The following BMPER variants were observed in gnomAD, a reference collection of about 807,000 sequenced individuals.
The protein encoded by BMPER is BMP binding endothelial regulator, also known as BMP-binding endothelial regulator protein.
Under a neutral mutation model 87.3 loss-of-function variants are expected in BMPER, and 45 were observed. That is an observed-to-expected ratio of 0.52 (90% CI 0.41 to 0.66). The LOEUF (loss-of-function observed/expected upper bound fraction) is 0.66, where lower values mean the gene tolerates loss of function less well. Among genes scored for constraint, BMPER ranks in the 30% least tolerant of loss-of-function variants. The probability of loss-of-function intolerance (pLI) is 0.00; values close to 1 mark genes in which losing one functional copy is unlikely to be tolerated. For synonymous variants in BMPER, 326 were observed against 316.2 expected, an observed-to-expected ratio of 1.03 and a Z score of -0.33; for missense variants, 784 against 867.5, an observed-to-expected ratio of 0.90 and a Z score of 1.21.
In BMPER at chr7:34,085,876, G is replaced by T; in HGVS notation, c.1529G>T (p.Gly510Val). ...GGACATAAACGTGATGACTTAATTG[G>T]TGGAGATGGAAACTTCAAGTTTGAT... The part of the protein sequence containing the change: ...YNGHKRDDLI[G>V]GDGNFKFDVD... Residue 510 changes from glycine (G) to valine (V), a missense_variant, in exon 13 of 15, where the codon GGT becomes GTT. Coordinates refer to ENST00000649409, the MANE Select transcript of BMPER (RefSeq NM_001365308.1). 6.2e-7 allele frequency: 1 copy of T among 1,614,168 alleles called. No individual in the cohort carries two copies. The highest frequency in any genetic ancestry group is 8.5e-7 in the Non-Finnish European group (1 of 1,180,040).
At chr7:34,148,924 A>G (rs77351508) in intron 14 of BMPER, among the ~76,000 whole-genome samples, 3,751 of 152,310 alleles carry the variant, frequency 0.025, 125 homozygotes, top group African/African-American at 0.08. Context: ...AAAGAGGGCA[A>G]GGTGAGTTCT....
Position 33,985,295 on chromosome 7 carries a change from TG to T in BMPER, c.576+10512del, listed in dbSNP as rs148848660. On this transcript the variant is annotated intron_variant, in intron 6 of 14. Coordinates refer to ENST00000649409, the MANE Select transcript of BMPER (RefSeq NM_001365308.1). ...AATTCTGTAGGTAGTTTTATATCCT[TG>T]TTATTTTCATTTAACATTATATTGT... Among the ~76,000 whole-genome samples, 276 of 152,324 alleles carry T rather than the reference TG, an allele frequency of 1.8e-3. 6 individuals are homozygous for T. In the East Asian group the frequency reaches 0.049, roughly 27 times the overall value.
intron 6 of BMPER, among the ~76,000 whole-genome samples, chr7:34,017,977 A>C (rs968504939): frequency 3.3e-5 from 5 of 151,908 alleles, no homozygotes; most frequent in South Asian, 2.1e-4. Flanking sequence ...AAAAAAAAAA[A>C]AAAAACAAAA....
At chr7:34,000,657 G>A (rs1786556596) in intron 6 of BMPER, among the ~76,000 whole-genome samples, 1 of 152,042 alleles carries the variant, frequency 6.6e-6, no homozygotes, top group Admixed American at 6.6e-5. Context: ...CTAGGTGAAG[G>A]ACATTTGGGT....
At chr7:34,149,822 G>A (rs561813944) in intron 14 of BMPER, among the ~76,000 whole-genome samples, 1 of 91,592 alleles carries the variant, frequency 1.1e-5, no homozygotes, top group South Asian at 6.0e-4. Context: ...GTCAAGGGGT[G>A]GGTGAGGAAG....
chr7:33,965,431 A>T (rs1785382722), intron 3 of BMPER, among the ~76,000 whole-genome samples: 1 of 152,060 alleles, frequency 6.6e-6, no homozygotes, highest in African/African-American at 2.4e-5. Context: ...AAAAGTTCTC[A>T]TGGAAGGAGT....
At position 34,085,751 on chromosome 7, in the gene BMPER, T is replaced by C. The variant is rs1372236016; in HGVS notation, c.1409-5T>C. 6.2e-7 allele frequency: 1 copy of C among 1,612,014 alleles called. No individual in the cohort carries two copies. Among genetic ancestry groups the C allele is most frequent in the Admixed American group, 1.7e-5 (1 of 59,974 alleles). The stretch of plus-strand genomic sequence containing the variant: ...TGATTTCCTTTTCCTCTCCTCCTCC[T>C]CTAGGTTTGGAAATATCTTGGGATG... On this transcript the variant is annotated splice_region_variant and splice_polypyrimidine_tract_variant and intron_variant, in intron 12 of 14. Coordinates refer to ENST00000649409, the MANE Select transcript of BMPER (RefSeq NM_001365308.1).
At chr7:34,052,016 G>C in intron 8 of BMPER, 46 bp downstream of exon 8, 9 of 1,527,970 alleles carry the variant, frequency 5.9e-6, no homozygotes, top group Non-Finnish European at 7.3e-6. Context: ...ATAGGGTTTG[G>C]GTTTCAGTGT....
Position 33,974,801 on chromosome 7 carries a change from A to G in BMPER, c.576+17A>G. ...TCCTGCACTGTAAGTCCTGCTGTGG[A>G]TGTTCCCAGGGTGTCCTTTGGGCAA... is the stretch of plus-strand genomic sequence containing the variant. On this transcript the variant is annotated intron_variant, in intron 6 of 14. Transcript: ENST00000649409. 6.2e-7 allele frequency: 1 copy of G among 1,612,290 alleles called. No individual in the cohort carries two copies. Among genetic ancestry groups the G allele is most frequent in the Non-Finnish European group, 8.5e-7 (1 of 1,178,448 alleles).
At chr7:33,997,648 T>C (rs1386914937) in intron 6 of BMPER, among the ~76,000 whole-genome samples, 1 of 152,262 alleles carries the variant, frequency 6.6e-6, no homozygotes, top group Non-Finnish European at 1.5e-5. Flanking sequence ...TATTTCTTTA[T>C]AGCAGTGTGA....
intron 11 of BMPER, among the ~76,000 whole-genome samples, chr7:34,070,284 A>T (rs1463581744): frequency 1.3e-5 from 2 of 152,222 alleles, no homozygotes; most frequent in East Asian, 3.9e-4. Flanking sequence ...GGCTGTTTCC[A>T]ATCCCTGTTT....
In BMPER at chr7:34,016,196, T is replaced by C. The variant is rs149266026; in HGVS notation, c.577-30110T>C. The stretch of plus-strand genomic sequence containing the variant: ...TCCTCTCTCCAGGAAAATAATGCGA[T>C]GTTTGCCAATTACCTTACTGAAATA... On this transcript the variant is annotated intron_variant, in intron 6 of 14. Coordinates refer to ENST00000649409, the MANE Select transcript of BMPER (RefSeq NM_001365308.1). 4.7e-3 allele frequency among the ~76,000 whole-genome samples: 720 copies of C among 152,088 alleles called. 2 individuals carry two copies. Among genetic ancestry groups the C allele is most frequent in the Non-Finnish European group, 8.0e-3 (545 of 67,912 alleles).
chr7:34,023,835 T>A (rs1787264169), intron 6 of BMPER, among the ~76,000 whole-genome samples: 1 of 152,072 alleles, frequency 6.6e-6, no homozygotes, highest in South Asian at 2.1e-4. Flanking sequence ...CCCATTTTAT[T>A]AAGAGGGAAG....
intron 2 of BMPER, among the ~76,000 whole-genome samples, chr7:33,923,203 G>C (rs1019665327): frequency 6.6e-6 from 1 of 152,170 alleles, no homozygotes; most frequent in African/African-American, 2.4e-5. Context: ...TGTGGACTCT[G>C]TTCTCTCCCA....
chr7:34,071,831 A>G (rs1180610991), intron 11 of BMPER, among the ~76,000 whole-genome samples: 2 of 152,218 alleles, frequency 1.3e-5, no homozygotes, highest in Non-Finnish European at 2.9e-5. Flanking sequence ...ATTATTGTTT[A>G]TAATTAGCTT....
At chr7:34,046,948 A>C (rs1481697938) in intron 7 of BMPER, among the ~76,000 whole-genome samples, 2 of 134,976 alleles carry the variant, frequency 1.5e-5, no homozygotes, top group African/African-American at 5.7e-5. Flanking sequence ...TTCTCATTTT[A>C]TCTTCTTAAG....
rs575022584 is a variant in BMPER at position 34,022,326 on chromosome 7, G to A, written c.577-23980G>A. Among the ~76,000 whole-genome samples the A allele has an allele frequency of 5.9e-5, 9 of 151,996 alleles. No homozygotes were observed. In the South Asian group the frequency reaches 1.2e-3, roughly 21 times the overall value. On this transcript the variant is annotated intron_variant, in intron 6 of 14. Coordinates refer to ENST00000649409, the MANE Select transcript of BMPER (RefSeq NM_001365308.1). Reference sequence around the variant, plus strand: ...CATTTCCCATGTTTTGCCTTCCCTCGTCCTGTGCCAGCTTTGGGGGAATTC... The same window carrying A: ...CATTTCCCATGTTTTGCCTTCCCTCATCCTGTGCCAGCTTTGGGGGAATTC...
At chr7:34,124,197 T>C (rs1790337285) in intron 13 of BMPER, among the ~76,000 whole-genome samples, 1 of 152,208 alleles carries the variant, frequency 6.6e-6, no homozygotes, top group African/African-American at 2.4e-5. Flanking sequence ...CTCTCCTCTT[T>C]TAGGTACATC....
At chr7:33,966,035 G>A (rs987439922) in intron 3 of BMPER, among the ~76,000 whole-genome samples, 16 of 152,118 alleles carry the variant, frequency 1.1e-4, no homozygotes, top group Non-Finnish European at 1.5e-4. Flanking sequence ...AGAATTTTGC[G>A]TTCAAGTCCT....
Sources: allele counts gnomAD v4.1 joint callset (sites outside exome capture counted in the v4.1 genomes callset), GRCh38; gene constraint gnomAD v4.1.1; transcripts MANE v1.5; gene names NCBI Gene and HGNC (gene_info 2026-07-23, HGNC 2026-07-21).